The following MICAL1 variants were observed in gnomAD, a reference collection of about 807,000 sequenced individuals.
MICAL1 encodes the protein [F-actin]-monooxygenase MICAL1.
A neutral mutation model predicts 131.8 loss-of-function variants in MICAL1; 95 were observed. The ratio of observed to expected loss-of-function variants is 0.72; its 90% CI spans 0.61 to 0.86. The LOEUF (loss-of-function observed/expected upper bound fraction) is 0.86. Among genes scored for constraint, MICAL1 ranks in the 40% least tolerant of loss-of-function variants. The probability of loss-of-function intolerance (pLI) is 0.00; values close to 1 mark genes in which losing one functional copy is unlikely to be tolerated. For missense variants in MICAL1, 1,292 were observed against 1,380.6 expected, an observed-to-expected ratio of 0.94 and a Z score of 1.02; for synonymous variants, 546 against 554.2, an observed-to-expected ratio of 0.99 and a Z score of 0.21.
chr6:109,462,376 G>A (rs1157464529), intron 1 of MICAL1, among the ~76,000 whole-genome samples: 3 of 152,212 alleles, frequency 2.0e-5, no homozygotes, highest in South Asian at 2.1e-4. Context: ...GGGGACTGGA[G>A]TCCTCCAACC....
At chr6:109,449,304 C>G in intron 11 of MICAL1, 96 bp downstream of exon 11, 1 of 1,336,978 alleles carries the variant, frequency 7.5e-7, no homozygotes, top group Non-Finnish European at 1.1e-6. Flanking sequence ...CGGCACGCTG[C>G]TCCTGTCCTG....
Position 109,447,145 on chromosome 6 carries a change from G to A in MICAL1, c.2155C>T (p.Arg719Trp), listed in dbSNP as rs200923926. Residue 719 changes from arginine to tryptophan, a missense_variant, in exon 17 of 25, where the codon CGG (arginine) becomes TGG (tryptophan). Transcript: ENST00000358807. ...CAGGTATGGCAGCGGAAGCAGCTCC[G>A]GTGGAAGAAATGGCCGTTGACACAG... ...RLCVNGHFFH[R>W]SCFRCHTCEA... 83 of 1,614,182 alleles carry A rather than the reference G, an allele frequency of 5.1e-5. No homozygotes were observed. Among genetic ancestry groups the A allele is most frequent in the East Asian group, 5.1e-4 (23 of 44,878 alleles).
rs149241458 is a variant in MICAL1, at chr6:109,446,188, G to A, written c.2529C>T (p.His843=). ...AGCCCACAAAGCTGCTCTCCAGGGCGTGGCGGGCCAAGGCGGAGCAGCTGC... is the reference window on the plus strand; with the variant it reads ...AGCCCACAAAGCTGCTCTCCAGGGCATGGCGGGCCAAGGCGGAGCAGCTGC... ...PPRSCSALAR[H]ALESSFVGWG... Residue 843 remains histidine, a synonymous_variant, in exon 19 of 25, where the codon CAC becomes CAT. Coordinates refer to ENST00000358807, the MANE Select transcript of MICAL1 (RefSeq NM_022765.4). 105 of 1,587,322 alleles carry A rather than the reference G, an allele frequency of 6.6e-5. No homozygotes were observed. Among genetic ancestry groups the A allele is most frequent in the East Asian group, 2.7e-4 (12 of 44,682 alleles).
chr6:109,444,374 A>G (rs1456692009), intron 24 of MICAL1, 35 bp from the exon 25 acceptor site: 1 of 1,612,974 alleles, frequency 6.2e-7, no homozygotes, highest in Admixed American at 1.7e-5. Flanking sequence ...AGAACAGGGA[A>G]CTGGGCAGGG....
In MICAL1 at chr6:109,448,758, CA is replaced by C. The variant is rs1562289555; in HGVS notation, c.1637del (p.Leu546ArgfsTer28). 2.5e-6 allele frequency: 4 copies of C among 1,614,080 alleles called. No individual in the cohort carries two copies. Among genetic ancestry groups the C allele is most frequent in the Non-Finnish European group, 2.5e-6 (3 of 1,179,984 alleles). On this transcript the variant is annotated frameshift_variant, in exon 12 of 25. Coordinates refer to ENST00000358807, the MANE Select transcript of MICAL1 (RefSeq NM_022765.4). LOFTEE classifies it high-confidence loss of function. ...SWADGLALCALVYRLQPGLLE... is the reference protein window; with the variant it reads ...SWADGLALCAXVYRLQPGLLE... ...GCAGGCCAGGCTGCAGCCGGTACACCAGGGCACACAGAGCTAGCCCATCAGC... is the reference window on the plus strand; with the variant it reads ...GCAGGCCAGGCTGCAGCCGGTACACCGGGCACACAGAGCTAGCCCATCAGC...
intron 1 of MICAL1, chr6:109,464,946 T>C (rs1302809976): frequency 6.6e-6 from 1 of 152,198 alleles, no homozygotes; most frequent in Non-Finnish European, 1.5e-5. Flanking sequence ...CAGTTAGAAT[T>C]CAGTAGAGTA....
chr6:109,444,483 G>T, intron 24 of MICAL1, 144 bp from the exon 25 acceptor site: 1 of 1,249,092 alleles, frequency 8.0e-7, no homozygotes, highest in Non-Finnish European at 1.1e-6. Context: ...AACACCAGTG[G>T]TTTTCTAGCA....
chr6:109,448,044 A>C, intron 13 of MICAL1, 81 bp from the exon 14 acceptor site: 2 of 1,464,476 alleles, frequency 1.4e-6, no homozygotes, highest in Non-Finnish European at 1.8e-6. Context: ...TCTCCAACCC[A>C]GAAGGACACC....
At position 109,447,195 on chromosome 6, in the gene MICAL1, TC is replaced by T; in HGVS notation, c.2104del (p.Glu702AsnfsTer202). On this transcript the variant is annotated frameshift_variant, in exon 17 of 25. Transcript: ENST00000358807. LOFTEE classifies it high-confidence loss of function. ...GAGDLCALCG[E>X]HLYVLERLCV... ...GAGGCGTTCCAGGACATAGAGGTGT[TC>T]CCCACAAAGTGCACACAGGTCCCCA... 1 of 1,614,044 alleles carries T rather than the reference TC, an allele frequency of 6.2e-7. No homozygotes were observed. Among genetic ancestry groups the T allele is most frequent in the African/African-American group, 1.3e-5 (1 of 75,032 alleles).
chr6:109,449,439 T>C lies in MICAL1; in HGVS notation c.1477A>G (p.Arg493Gly). 6.2e-7 allele frequency: 1 copy of C among 1,614,206 alleles called. No individual in the cohort carries two copies. The highest frequency in any genetic ancestry group is 8.5e-7 in the Non-Finnish European group (1 of 1,180,044). ...YDVLAKEPVQ[R>G]NNDKTDTGMP... ...CCTGTATCTGTCTTGTCGTTGTTCCTCTGCACAGGCTCCTTGGCTAGCACA... is the reference window on the plus strand; with the variant it reads ...CCTGTATCTGTCTTGTCGTTGTTCCCCTGCACAGGCTCCTTGGCTAGCACA... The change falls in exon 11 of 25, where the codon AGG (arginine) becomes GGG (glycine). Residue 493 changes from arginine (R) to glycine (G), a missense_variant. Transcript: ENST00000358807.
In MICAL1 at chr6:109,446,726, C is replaced by G. The variant is rs41288556; in HGVS notation, c.2274G>C (p.Ala758=). 8 of 1,613,692 alleles carry G rather than the reference C, an allele frequency of 5.0e-6. No individual in the cohort carries two copies. The highest frequency in any genetic ancestry group is 6.8e-6 in the Non-Finnish European group (8 of 1,179,904). Residue 758 remains alanine, a synonymous_variant, in exon 18 of 25, where the codon GCG becomes GCC. Transcript: ENST00000358807. The part of the protein sequence containing the change: ...LQHLPQTDHK[A]EGSDRGPESP... ...TCTCAGGGCCTCTATCGCTGCCTTCCGCTTTGTGGTCTGTCTGGGGCAGGT... is the reference window on the plus strand; with the variant it reads ...TCTCAGGGCCTCTATCGCTGCCTTCGGCTTTGTGGTCTGTCTGGGGCAGGT...
intron 9 of MICAL1, 68 bp downstream of exon 9, chr6:109,449,902 C>T (rs1775461635): frequency 6.3e-7 from 1 of 1,595,784 alleles, no homozygotes; most frequent in Admixed American, 1.7e-5. Context: ...ACTCAGCACC[C>T]CTGCCCCTCT....
chr6:109,455,486 G>GA lies in MICAL1; in HGVS notation c.-44+232_-44+233insT, dbSNP rs1775711185. On this transcript the variant is annotated intron_variant, in intron 1 of 24. Transcript: ENST00000358807. The surrounding 1 kb of genome is among the most constrained non-coding windows in gnomAD (Gnocchi z 4.7). ...CCAGGACAAAGGCTGTGAGAGGGGTGGAGCGGTCTGAAAGGATGGAGAGGG... is the reference window on the plus strand; with the variant it reads ...CCAGGACAAAGGCTGTGAGAGGGGTGAGAGCGGTCTGAAAGGATGGAGAGGG... 1 of 154,896 alleles carries GA rather than the reference G, an allele frequency of 6.5e-6. No homozygotes were observed. The highest frequency in any genetic ancestry group is 2.4e-5 in the African/African-American group (1 of 41,496). 9.6% of individuals were successfully genotyped at this position (154,896 alleles called of 1,614,324 possible). A position where few individuals can be genotyped will look rare whatever the true frequency, so the allele number is the denominator to read the frequency against.
exon 1 of MICAL1, chr6:109,465,708 T>G (rs1776017739): frequency 1.2e-6 from 2 of 1,605,798 alleles, no homozygotes; most frequent in African/African-American, 2.7e-5. Flanking sequence ...ATGGAGGGCA[T>G]TATAAACATC....
At chr6:109,449,563 A>G in intron 10 of MICAL1, 82 bp from the exon 11 acceptor site, 1 of 1,604,728 alleles carries the variant, frequency 6.2e-7, no homozygotes. Context: ...CGGGGGTAGG[A>G]TTGACCCCAA....
chr6:109,448,422 TAG>T, intron 12 of MICAL1, 29 bp from the exon 13 acceptor site: 1 of 1,609,556 alleles, frequency 6.2e-7, no homozygotes, highest in Non-Finnish European at 8.5e-7. Flanking sequence ...AAAAGCCAAC[TAG>T]AGACAAGAAC....
At chr6:109,452,764 A>G (rs1448666195) in intron 4 of MICAL1, 149 bp from the exon 5 acceptor site, 1 of 622,950 alleles carries the variant, frequency 1.6e-6, no homozygotes. Flanking sequence ...ACACCTTCAC[A>G]GCAGCTATGG....
At position 109,453,366 on chromosome 6, in the gene MICAL1, G is replaced by T. The variant is rs776060838; in HGVS notation, c.468C>A (p.Ser156Arg). ...GCAGAAGCAGCTGGAGCTGCCTGAT[G>T]CCTGGAAGGGAGAGGACATTAGGAA... Reference protein sequence around the residue: ...RFCTGTLDHISIRQLQLLLLK... With the variant: ...RFCTGTLDHIRIRQLQLLLLK... The change falls in exon 4 of 25, where the codon AGC becomes AGA. Residue 156 changes from serine to arginine, a missense_variant and splice_region_variant. Ser to Arg is a moderately radical substitution (Grantham distance 110, BLOSUM62 -1). Coordinates refer to ENST00000358807, the MANE Select transcript of MICAL1 (RefSeq NM_022765.4). The T allele has an allele frequency of 1.9e-6, 3 of 1,613,546 alleles. No homozygotes were observed. In the Admixed American group the frequency reaches 5.0e-5, roughly 27 times the overall value.
At chr6:109,447,801 A>G in intron 14 of MICAL1, 74 bp downstream of exon 14, 1 of 1,611,238 alleles carries the variant, frequency 6.2e-7, no homozygotes. Context: ...CCTCACCATC[A>G]CCCCAGGATC....
Sources: gnomAD v4.1 joint callset for allele counts (sites outside exome capture counted in the v4.1 genomes callset) on GRCh38, gnomAD v4.1.1 for gene constraint, Gnocchi (gnomAD v3.1) non-coding constraint, MANE v1.5 for transcripts, NCBI Gene and HGNC (gene_info 2026-07-23, HGNC 2026-07-21) for gene names.